Variants in ABCB11 observed in about 807,000 individuals in gnomAD.
ABCB11 encodes bile salt export pump.
ABCB11 carries 95 observed loss-of-function variants against 148.0 expected under a neutral mutation model. That is an observed-to-expected ratio of 0.64 (90% CI 0.54 to 0.76). ABCB11 has a LOEUF of 0.76. Among genes scored for constraint, ABCB11 ranks in the 30% least tolerant of loss-of-function variants. ABCB11 has a pLI of 0.00. For synonymous variants in ABCB11, 591 were observed against 555.4 expected, an observed-to-expected ratio of 1.06 and a Z score of -0.90; for missense variants, 1,523 against 1,617.8, an observed-to-expected ratio of 0.94 and a Z score of 1.01.
chr2:169,029,475 A>G (rs1478218494), intron 1 of ABCB11, among the ~76,000 whole-genome samples: 1 of 152,112 alleles, frequency 6.6e-6, no homozygotes, highest in Non-Finnish European at 1.5e-5. Flanking sequence ...CTGTCGGTTG[A>G]TGCTGTGTGT....
At position 168,932,524 on chromosome 2, in the gene ABCB11, A is replaced by G. The variant is rs374539264; in HGVS notation, c.3066T>C (p.Ser1022=). 41 of 1,613,378 alleles carry G rather than the reference A, an allele frequency of 2.5e-5. No homozygotes were observed. The highest frequency in any genetic ancestry group is 3.5e-5 in the Non-Finnish European group (41 of 1,179,728). ...GAGCTGTTGCACTCAGTACAACTGC[A>G]GAGATCACCCTGTAACCAGACAGAC... The part of the protein sequence containing the change: ...LHFSYVFRVI[S]AVVLSATALG... Residue 1022 remains serine (S), a synonymous_variant, in exon 24 of 28, where the codon TCT becomes TCC. Transcript: ENST00000650372.
chr2:168,982,071 T>C (rs1694152437), intron 10 of ABCB11, among the ~76,000 whole-genome samples: 1 of 152,152 alleles, frequency 6.6e-6, no homozygotes, highest in Non-Finnish European at 1.5e-5. Flanking sequence ...AGCCATCATT[T>C]GTCACTCAAC....
chr2:168,977,844 G>A (rs961060538), intron 11 of ABCB11, among the ~76,000 whole-genome samples: 21 of 152,190 alleles, frequency 1.4e-4, no homozygotes, highest in African/African-American at 5.1e-4. Flanking sequence ...AGAACAGCAT[G>A]GGGGAAAATG....
At chr2:168,973,244 C>T (rs1468791525) in intron 13 of ABCB11, among the ~76,000 whole-genome samples, 1 of 151,922 alleles carries the variant, frequency 6.6e-6, no homozygotes, top group African/African-American at 2.4e-5. Flanking sequence ...AGAAATGTGT[C>T]CTTAGGTGGT....
At position 169,013,278 on chromosome 2, in the gene ABCB11, C is replaced by T. The variant is rs181533618; in HGVS notation, c.383G>A (p.Arg128His). ...SLNQNMTNGT[R>H]CGLLNIESEM... ...AAAAACAAAAACAACCTACCCACAA[C>T]GTGTTCCATTTGTCATGTTCTGGTT... The change falls in exon 5 of 28, where the codon CGT (arginine) becomes CAT (histidine). Residue 128 changes from arginine (R) to histidine (H), a missense_variant. Arg to His is a conservative substitution (Grantham distance 29, BLOSUM62 0). Transcript: ENST00000650372. 185 of 1,606,188 alleles carry T rather than the reference C, an allele frequency of 1.2e-4. 1 individual carries two copies. The African/African-American group carries it at 1.9e-3, about 16-fold the overall frequency.
In ABCB11 at chr2:168,921,148, C is replaced by A. The variant is rs142631554; in HGVS notation, c.*2474G>T. Among the ~76,000 whole-genome samples the A allele has an allele frequency of 6.6e-6, 1 of 152,200 alleles. No individual in the cohort carries two copies. The highest frequency in any genetic ancestry group is 1.5e-5 in the Non-Finnish European group (1 of 68,046). On this transcript the variant is annotated 3_prime_UTR_variant, in exon 28 of 28. Coordinates refer to ENST00000650372, the MANE Select transcript of ABCB11 (RefSeq NM_003742.4). ...TTACTCTGCAACTTACTCGTCATTG[C>A]CATTTTTCATAACCAGAATGCATTC...
At chr2:168,965,835 T>TA (rs1207140181) in intron 17 of ABCB11, among the ~76,000 whole-genome samples, 1 of 151,900 alleles carries the variant, frequency 6.6e-6, no homozygotes, top group Non-Finnish European at 1.5e-5. Flanking sequence ...TATGCTCATC[T>TA]AGCCTTCCAG....
rs11568358 is a variant in ABCB11 at position 168,993,798 on chromosome 2, C to A, written c.696G>T (p.Leu232=). 113 of 1,611,368 alleles carry A rather than the reference C, an allele frequency of 7.0e-5. No individual in the cohort carries two copies. The highest frequency in any genetic ancestry group is 9.1e-5 in the Non-Finnish European group (107 of 1,178,636). Residue 232 remains leucine, a synonymous_variant, in exon 8 of 28, where the codon CTG becomes CTT. Transcript: ENST00000650372. The part of the protein sequence containing the change: ...QRMTSTICGF[L]LGFFRGWKLT... ...GTTTCCAACCCCTGAAAAATCCCAA[C>A]AGGAAACCACAGATGGTCGAGGTCA...
At chr2:168,960,425 C>T (rs953167364) in intron 18 of ABCB11, among the ~76,000 whole-genome samples, 3 of 151,576 alleles carry the variant, frequency 2.0e-5, no homozygotes, top group Non-Finnish European at 3.0e-5. Context: ...TTTTCTGGAA[C>T]GATTGCCCCA....
chr2:169,018,230 C>A lies in ABCB11; in HGVS notation c.-27-78G>T, dbSNP rs1024985917. The A allele has an allele frequency of 7.7e-6, 10 of 1,302,598 alleles. No individual in the cohort carries two copies. In the Admixed American group the frequency reaches 8.1e-5, roughly 11 times the overall value. 80.7% of individuals were successfully genotyped at this position (1,302,598 alleles called of 1,614,324 possible). ...TAATCAAAGTAGCCAAACGAAAGAACAATTTGGTTCAAGAAATAATCTTTA... is the reference window on the plus strand; with the variant it reads ...TAATCAAAGTAGCCAAACGAAAGAAAAATTTGGTTCAAGAAATAATCTTTA... On this transcript the variant is annotated intron_variant, in intron 1 of 27. Coordinates refer to ENST00000650372, the MANE Select transcript of ABCB11 (RefSeq NM_003742.4).
At chr2:169,012,964 T>A (rs1695234784) in intron 5 of ABCB11, among the ~76,000 whole-genome samples, 1 of 151,962 alleles carries the variant, frequency 6.6e-6, no homozygotes, top group Non-Finnish European at 1.5e-5. Flanking sequence ...AATTCATGGG[T>A]CACCTCCCTA....
At position 168,972,065 on chromosome 2, in the gene ABCB11, C is replaced by A; in HGVS notation, c.1435-15G>T. The A allele has an allele frequency of 1.9e-6, 3 of 1,605,978 alleles. No individual in the cohort carries two copies. Among genetic ancestry groups the A allele is most frequent in the Non-Finnish European group, 2.6e-6 (3 of 1,173,974 alleles). ...TCCACGGTCACCTAGAGAGCATGGGCACAACATCACAACTTTTGGAATCTT... is the reference window on the plus strand; with the variant it reads ...TCCACGGTCACCTAGAGAGCATGGGAACAACATCACAACTTTTGGAATCTT... On this transcript the variant is annotated splice_polypyrimidine_tract_variant and intron_variant, in intron 13 of 27. Transcript: ENST00000650372.
rs7561903 is a variant in ABCB11, at chr2:168,927,055, T to G, written c.3618+101A>C. ...TTTTGAATTTTGGAACATTTTGGAT[T>G]TGGGATTTTCAGATTAGGGATGCTC... On this transcript the variant is annotated intron_variant, in intron 26 of 27. Transcript: ENST00000650372. The G allele has an allele frequency of 0.2, 236,102 of 1,175,946 alleles. 25,132 individuals carry two copies. Among genetic ancestry groups the G allele is most frequent in the Middle Eastern group, 0.23 (782 of 3,390 alleles). The allele number at this position is 1,175,946 out of a possible 1,614,324, so 72.8% of individuals were successfully genotyped here.
chr2:168,987,292 C>A (rs979076947), intron 9 of ABCB11, among the ~76,000 whole-genome samples: 1 of 151,962 alleles, frequency 6.6e-6, no homozygotes, highest in African/African-American at 2.4e-5. Context: ...AAGCATGGCA[C>A]GTAGTAAGTA....
At chr2:168,955,707 T>C (rs853777) in intron 19 of ABCB11, among the ~76,000 whole-genome samples, 115,636 of 151,560 alleles carry the variant, frequency 0.76, 45,432 homozygotes, top group East Asian at 0.96. Flanking sequence ...AACAGTCCCC[T>C]AAGTCTTAAC....
chr2:169,011,530 G>T (rs749659216), intron 5 of ABCB11, among the ~76,000 whole-genome samples: 18 of 152,250 alleles, frequency 1.2e-4, no homozygotes, highest in South Asian at 4.2e-4. Flanking sequence ...GAATAAGTAG[G>T]CTTGTTGTTT....
chr2:168,965,392 T>C (rs1693261051), intron 17 of ABCB11, among the ~76,000 whole-genome samples: 1 of 151,788 alleles, frequency 6.6e-6, no homozygotes, highest in Non-Finnish European at 1.5e-5. Context: ...ACAATTATGT[T>C]GAGACCTTCA....
Position 168,986,169 on chromosome 2 carries a change from A to C in ABCB11, c.1024T>G (p.Trp342Gly), listed in dbSNP as rs1326325046. The C allele has an allele frequency of 1.9e-6, 3 of 1,613,270 alleles. No individual in the cohort carries two copies. Among genetic ancestry groups the C allele is most frequent in the Non-Finnish European group, 2.5e-6 (3 of 1,179,546 alleles). Residue 342 changes from tryptophan (W) to glycine (G), a missense_variant, in exon 10 of 28, where the codon TGG (tryptophan) becomes GGG (glycine). Transcript: ENST00000650372. ...TCCAGGACAAGTGTGGAGCCGTACC[A>C]GAAGGCCAGTGCATAACACAAAAAG... ...LIFLCYALAF[W>G]YGSTLVLDEG... is the part of the protein sequence containing the mutation.
chr2:168,965,105 G>A (rs571091073), intron 17 of ABCB11, among the ~76,000 whole-genome samples: 1 of 151,996 alleles, frequency 6.6e-6, no homozygotes, highest in East Asian at 2.0e-4. Flanking sequence ...ATGTATGGCA[G>A]GTGTTACCAA....
Sources: allele counts gnomAD v4.1 joint callset (sites outside exome capture counted in the v4.1 genomes callset), GRCh38; gene constraint gnomAD v4.1.1; transcripts MANE v1.5; gene names NCBI Gene and HGNC (gene_info 2026-07-23, HGNC 2026-07-21).